Variants in GALNT10 observed in about 807,000 individuals in gnomAD.
The protein encoded by GALNT10 is polypeptide N-acetylgalactosaminyltransferase 10, also known as GalNAc transferase 10.
In GALNT10, 41 loss-of-function variants were observed where a neutral mutation model predicts 75.0. The observed-to-expected ratio is 0.55, with a 90% CI of 0.43 to 0.71. The LOEUF is 0.71. Among genes scored for constraint, GALNT10 ranks in the 30% least tolerant of loss-of-function variants. The pLI, the probability that GALNT10 is intolerant of heterozygous loss-of-function variation, is 0.00. For missense variants in GALNT10, 727 were observed against 818.5 expected, an observed-to-expected ratio of 0.89 and a Z score of 1.36; for synonymous variants, 302 against 313.0, an observed-to-expected ratio of 0.96 and a Z score of 0.37.
intron 7 of GALNT10, chr5:154,387,174 T>C (rs147515849): frequency 2.6e-5 from 4 of 152,356 alleles, no homozygotes; most frequent in South Asian, 4.1e-4. Context: ...TTGACCAGCC[T>C]ATGGACTCTG....
chr5:154,353,301 A>G (rs1394352068), intron 4 of GALNT10, among the ~76,000 whole-genome samples: 2 of 152,154 alleles, frequency 1.3e-5, no homozygotes, highest in Non-Finnish European at 2.9e-5. Flanking sequence ...ACCCCCCGCA[A>G]AACGACCTTC....
intron 1 of GALNT10, among the ~76,000 whole-genome samples, chr5:154,239,609 G>C (rs1056750718): frequency 2.0e-5 from 3 of 151,980 alleles, no homozygotes; most frequent in Non-Finnish European, 4.4e-5. Flanking sequence ...CACAAAACGA[G>C]TCCCTGTGCC....
chr5:154,194,649 G>A (rs1204974688), intron 1 of GALNT10, among the ~76,000 whole-genome samples: 2 of 152,152 alleles, frequency 1.3e-5, no homozygotes, highest in Admixed American at 6.5e-5. Context: ...TAACCTCTCT[G>A]GGCCTTGGAT....
At chr5:154,341,153 A>G (rs1755026920) in intron 4 of GALNT10, among the ~76,000 whole-genome samples, 1 of 150,946 alleles carries the variant, frequency 6.6e-6, no homozygotes, top group Non-Finnish European at 1.5e-5. Context: ...ATTTAGTGAC[A>G]TTAGTTCCTG....
intron 7 of GALNT10, among the ~76,000 whole-genome samples, chr5:154,394,956 G>T (rs933507715): frequency 1.3e-5 from 2 of 152,214 alleles, no homozygotes; most frequent in African/African-American, 4.8e-5. Context: ...AACAGGGAAG[G>T]CATTCTGCTC....
chr5:154,308,512 C>T (rs867181847), intron 3 of GALNT10, among the ~76,000 whole-genome samples: 1 of 152,184 alleles, frequency 6.6e-6, no homozygotes, highest in Non-Finnish European at 1.5e-5. Context: ...TTTCCTGCCC[C>T]ACGTGGCATC....
rs140453579 is a variant in GALNT10, at chr5:154,409,568, A to G, written c.1192A>G (p.Met398Val). 39 of 1,613,620 alleles carry G rather than the reference A, an allele frequency of 2.4e-5. 1 individual carries two copies. The highest frequency in any genetic ancestry group is 3.1e-5 in the Non-Finnish European group (37 of 1,179,664). Reference sequence around the variant, plus strand: ...CCTTAAGCGGGTGGCCGAAGTGTGGATGGATGAGTACGCAGAGTACATTTA... The same window carrying G: ...CCTTAAGCGGGTGGCCGAAGTGTGGGTGGATGAGTACGCAGAGTACATTTA... ...RNLKRVAEVWMDEYAEYIYQR... is the reference protein window; with the variant it reads ...RNLKRVAEVWVDEYAEYIYQR... Residue 398 changes from methionine (M) to valine (V), a missense_variant, in exon 9 of 12, where the codon ATG (methionine) becomes GTG (valine). Transcript: ENST00000297107. The surrounding 1 kb of genome is among the most constrained non-coding windows in gnomAD (Gnocchi z 4.5).
At chr5:154,315,701 G>C (rs983970793) in intron 3 of GALNT10, among the ~76,000 whole-genome samples, 1 of 152,224 alleles carries the variant, frequency 6.6e-6, no homozygotes, top group Non-Finnish European at 1.5e-5. Context: ...GGCCAGGTAA[G>C]GGGCAATCAT....
At chr5:154,313,326 G>T (rs565180740) in intron 3 of GALNT10, among the ~76,000 whole-genome samples, 4 of 150,970 alleles carry the variant, frequency 2.6e-5, no homozygotes, top group Non-Finnish European at 5.9e-5. Context: ...AAAAGGTACT[G>T]TTTTTATAAC....
At chr5:154,252,318 C>A (rs1753535748) in intron 1 of GALNT10, among the ~76,000 whole-genome samples, 1 of 152,080 alleles carries the variant, frequency 6.6e-6, no homozygotes, top group African/African-American at 2.4e-5. Context: ...TTTCTCCAAT[C>A]AGTTTGCTTG....
chr5:154,210,094 T>C (rs562089491), intron 1 of GALNT10, among the ~76,000 whole-genome samples: 1 of 152,320 alleles, frequency 6.6e-6, no homozygotes, highest in African/African-American at 2.4e-5. Context: ...CCTCTCTCCA[T>C]GCAGCAGTCA....
intron 1 of GALNT10, among the ~76,000 whole-genome samples, chr5:154,237,384 T>C (rs1309695591): frequency 3.3e-5 from 5 of 152,188 alleles, no homozygotes; most frequent in Non-Finnish European, 7.3e-5. Context: ...ATTTAAGTTG[T>C]GGGGTTTTTT....
chr5:154,311,216 T>C (rs1754511317), intron 3 of GALNT10, among the ~76,000 whole-genome samples: 1 of 152,260 alleles, frequency 6.6e-6, no homozygotes, highest in South Asian at 2.1e-4. Context: ...TAACAACATG[T>C]ACCATTTGTC....
chr5:154,384,831 G>A (rs1343187097), intron 6 of GALNT10, among the ~76,000 whole-genome samples: 4 of 152,246 alleles, frequency 2.6e-5, no homozygotes, highest in African/African-American at 4.8e-5. Context: ...GGGGCCTTGA[G>A]CAAGTTCCCT....
chr5:154,387,911 T>C (rs1387862680), intron 7 of GALNT10: 1 of 9,390 alleles, frequency 1.1e-4, no homozygotes, highest in East Asian at 2.8e-3. Context: ...TTTCTTTTGT[T>C]TTTTTTTTTT....
intron 4 of GALNT10, among the ~76,000 whole-genome samples, chr5:154,351,308 C>A (rs1295831484): frequency 6.6e-6 from 1 of 152,022 alleles, no homozygotes; most frequent in Non-Finnish European, 1.5e-5. Flanking sequence ...TGGCAGCTGA[C>A]CTGAGGGCCT....
At chr5:154,237,703 G>A (rs538806914) in intron 1 of GALNT10, among the ~76,000 whole-genome samples, 6 of 152,312 alleles carry the variant, frequency 3.9e-5, no homozygotes, top group African/African-American at 1.4e-4. Flanking sequence ...CATTTTTTTA[G>A]AATCTGTTGG....
intron 3 of GALNT10, among the ~76,000 whole-genome samples, chr5:154,322,161 A>T (rs1488214116): frequency 6.6e-6 from 1 of 152,146 alleles, no homozygotes; most frequent in African/African-American, 2.4e-5. Flanking sequence ...GGCTAAAATC[A>T]AGGTGTCAGT....
intron 3 of GALNT10, among the ~76,000 whole-genome samples, chr5:154,310,500 C>T (rs567251485): frequency 2.4e-3 from 358 of 151,728 alleles, no homozygotes; most frequent in South Asian, 5.2e-3. Flanking sequence ...GACAGAGTCT[C>T]GCTCTGTCAT....
Sources: gnomAD v4.1 joint callset for allele counts (sites outside exome capture counted in the v4.1 genomes callset) on GRCh38, gnomAD v4.1.1 for gene constraint, Gnocchi (gnomAD v3.1) non-coding constraint, MANE v1.5 for transcripts, NCBI Gene and HGNC (gene_info 2026-07-23, HGNC 2026-07-21) for gene names.